The following CDH23 variants were observed in gnomAD, a reference collection of about 807,000 sequenced individuals.
The protein encoded by CDH23 is cadherin-23.
A neutral mutation model predicts 317.1 loss-of-function variants in CDH23; 189 were observed. That is an observed-to-expected ratio of 0.60 (90% confidence interval 0.53 to 0.67). The LOEUF is 0.67. Among genes scored for constraint, CDH23 ranks in the 30% least tolerant of loss-of-function variants. The probability of loss-of-function intolerance (pLI) is 0.00; values close to 1 mark genes in which losing one functional copy is unlikely to be tolerated. For missense variants in CDH23, 4,401 were observed against 4,592.4 expected, an observed-to-expected ratio of 0.96 and a Z score of 1.20; for synonymous variants, 1,839 against 1,876.8, an observed-to-expected ratio of 0.98 and a Z score of 0.52.
chr10:71,781,315 C>A (rs1277099422), intron 41 of CDH23, among the ~76,000 whole-genome samples: 1 of 152,216 alleles, frequency 6.6e-6, no homozygotes, highest in Non-Finnish European at 1.5e-5. Context: ...GACATGCTAC[C>A]CTTTCGGATC....
chr10:71,641,358 G>A (rs997045608), intron 11 of CDH23, among the ~76,000 whole-genome samples: 16 of 152,310 alleles, frequency 1.1e-4, no homozygotes, highest in Middle Eastern at 6.8e-3. Context: ...TGATTCGCAC[G>A]TGGCTGCAAG....
At chr10:71,627,194 C>T (rs1861777948) in intron 11 of CDH23, among the ~76,000 whole-genome samples, 1 of 152,184 alleles carries the variant, frequency 6.6e-6, no homozygotes, top group South Asian at 2.1e-4. Context: ...CCTCGGTTGT[C>T]TCACAGCTTC....
rs564757144 is a variant in CDH23 at position 71,604,674 on chromosome 10, C to A, written c.833-10830C>A. On this transcript the variant is annotated intron_variant, in intron 9 of 69. Transcript: ENST00000224721. ...TCCACCCTTTTGCTCAGGCCAGTCT[C>A]CCCAGCAGGAGTGCCCTCTTCCTCC... 3.9e-5 allele frequency among the ~76,000 whole-genome samples: 6 copies of A among 152,352 alleles called. No homozygotes were observed. The South Asian group carries it at 1.2e-3, about 32-fold the overall frequency.
At chr10:71,681,214 T>C (rs1305394393) in intron 17 of CDH23, among the ~76,000 whole-genome samples, 1 of 140,046 alleles carries the variant, frequency 7.1e-6, no homozygotes, top group Admixed American at 8.5e-5. Context: ...CCCCCTTAGA[T>C]TTTATATTAC....
At chr10:71,785,576 A>T (rs111723791) in intron 43 of CDH23, 55 bp from the exon 44 acceptor site, 17 of 1,221,198 alleles carry the variant, frequency 1.4e-5, no homozygotes, top group African/African-American at 1.3e-4. Flanking sequence ...TCTGTGGGCC[A>T]AAGTAGAAAG....
Position 71,446,351 on chromosome 10 carries a change from A to G in CDH23, c.101A>G (p.His34Arg), listed in dbSNP as rs766291656. ...AACCGGCTGCCCTTCTTCACCAACC[A>G]CTTCTTTGATACATACCTGCTGATC... ...QVNRLPFFTN[H>R]FFDTYLLISE... The change falls in exon 3 of 70, where the codon CAC (histidine) becomes CGC (arginine). Residue 34 changes from histidine (H) to arginine (R), a missense_variant. His to Arg is a conservative substitution (Grantham distance 29). Around this residue, in one of 3 missense-constraint regions of CDH23, gnomAD observed 3,068 missense variants for 3,203.3 expected, o/e 0.96. Transcript: ENST00000224721. 15 of 1,613,786 alleles carry G rather than the reference A, an allele frequency of 9.3e-6. No individual in the cohort carries two copies. The South Asian group carries it at 1.3e-4, about 14-fold the overall frequency.
intron 6 of CDH23, among the ~76,000 whole-genome samples, chr10:71,543,617 A>G (rs1311299104): frequency 6.6e-6 from 1 of 152,210 alleles, no homozygotes; most frequent in Non-Finnish European, 1.5e-5. Context: ...TGAATTTTAC[A>G]AGTCCTCATG....
chr10:71,709,026 G>C (rs1865881803), intron 26 of CDH23, 72 bp from the exon 27 acceptor site: 1 of 1,391,614 alleles, frequency 7.2e-7, no homozygotes, highest in Non-Finnish European at 1.0e-6. Flanking sequence ...CCCAGCTCAG[G>C]AGCAGAGTCC....
chr10:71,700,187 G>C (rs568796106), intron 22 of CDH23, among the ~76,000 whole-genome samples: 2 of 152,182 alleles, frequency 1.3e-5, no homozygotes, highest in African/African-American at 4.8e-5. Flanking sequence ...AAGAGTTTGA[G>C]ACCAACCTGG....
chr10:71,486,427 G>A (rs1253867667), intron 3 of CDH23, among the ~76,000 whole-genome samples: 1 of 152,024 alleles, frequency 6.6e-6, no homozygotes, highest in African/African-American at 2.4e-5. Flanking sequence ...TGGTGCTTTT[G>A]TAGCACAGGC....
intron 9 of CDH23, among the ~76,000 whole-genome samples, chr10:71,614,269 C>T (rs144106840): frequency 6.6e-6 from 1 of 152,338 alleles, no homozygotes; most frequent in Non-Finnish European, 1.5e-5. Context: ...ATCTGCATGC[C>T]CAACAATGCC....
Position 71,784,327 on chromosome 10 carries a change from C to T in CDH23, c.5409C>T (p.Val1803=), listed in dbSNP as rs1231946668. 5 of 1,613,922 alleles carry T rather than the reference C, an allele frequency of 3.1e-6. No individual in the cohort carries two copies. Among genetic ancestry groups the T allele is most frequent in the Non-Finnish European group, 4.2e-6 (5 of 1,179,824 alleles). ...VISPVEGVLR[V]RKDVELDRET... ...CTCCTGTGGAGGGGGTGCTAAGGGT[C>T]CGGAAGGACGTGGAGCTGGACCGGG... is the stretch of plus-strand genomic sequence containing the variant. The change falls in exon 42 of 70, where the codon GTC becomes GTT. Residue 1803 remains valine, a synonymous_variant. Coordinates refer to ENST00000224721, the MANE Select transcript of CDH23 (RefSeq NM_022124.6).
At chr10:71,679,320 T>G in intron 16 of CDH23, 67 bp from the exon 17 acceptor site, 7 of 695,444 alleles carry the variant, frequency 1.0e-5, no homozygotes, top group Non-Finnish European at 1.8e-5. Flanking sequence ...CCCTCCCAGC[T>G]GCCCACCCTC....
chr10:71,447,585 A>G (rs1850233745), intron 3 of CDH23, among the ~76,000 whole-genome samples: 3 of 150,840 alleles, frequency 2.0e-5, no homozygotes, highest in Non-Finnish European at 4.4e-5. Context: ...GAAAACGGCT[A>G]CTCCTTTGGT....
chr10:71,801,150 C>CTTTTTTT (rs386371783), intron 53 of CDH23, among the ~76,000 whole-genome samples: 27 of 73,974 alleles, frequency 3.6e-4, no homozygotes, highest in Non-Finnish European at 4.8e-4. Context: ...CTCTCTCTCT[C>CTTTTTTT]TTTTTTTTTT....
chr10:71,713,991 G>A (rs1226258255), intron 28 of CDH23: 4 of 152,284 alleles, frequency 2.6e-5, no homozygotes, highest in Admixed American at 6.5e-5. Flanking sequence ...CAAAGACTTG[G>A]TTTCTATTTA....
intron 9 of CDH23, among the ~76,000 whole-genome samples, chr10:71,610,554 C>A (rs924186838): frequency 1.3e-5 from 2 of 152,248 alleles, no homozygotes; most frequent in African/African-American, 2.4e-5. Context: ...CTTTCTCACA[C>A]AGAAGATGGG....
chr10:71,667,756 G>C (rs1319751171), intron 14 of CDH23, among the ~76,000 whole-genome samples: 2 of 152,108 alleles, frequency 1.3e-5, no homozygotes, highest in Admixed American at 6.5e-5. Context: ...CTCAGGAAGG[G>C]GACAAAGAGA....
chr10:71,498,930 C>G (rs564784367), intron 3 of CDH23, among the ~76,000 whole-genome samples: 7 of 152,290 alleles, frequency 4.6e-5, no homozygotes, highest in Admixed American at 2.6e-4. Flanking sequence ...GGAAGGAAAT[C>G]AGGATATCAA....
Sources: gnomAD v4.1 joint callset for allele counts (sites outside exome capture counted in the v4.1 genomes callset) on GRCh38, gnomAD v4.1.1 for gene constraint, gnomAD v4.1.1 regional missense constraint, MANE v1.5 for transcripts, NCBI Gene and HGNC (gene_info 2026-07-23, HGNC 2026-07-21) for gene names.